Variants in ATG4B observed in about 807,000 individuals in gnomAD.
ATG4B encodes autophagy related 4B cysteine peptidase.
ATG4B carries 29 observed loss-of-function variants against 56.6 expected under a neutral mutation model. The ratio of observed to expected loss-of-function variants is 0.51; its 90% CI spans 0.38 to 0.70. ATG4B has a LOEUF of 0.70. ATG4B is among the 30% of genes least tolerant of loss of function. ATG4B has a pLI of 0.00. For synonymous variants in ATG4B, 224 were observed against 206.1 expected (o/e 1.09, Z -0.74); for missense variants, 461 against 515.5 (o/e 0.89, Z 1.02).
At position 241,673,274 on chromosome 2, in the gene ATG4B, CCAG is replaced by C. The variant is rs2069042009; in HGVS notation, c.*1013_*1015del. The stretch of plus-strand genomic sequence containing the variant: ...CATTTCCAGAACCTCAGCCCCGATT[CCAG>C]CACCCACCACCGCCTGACCCTGTGT... On this transcript the variant is annotated 3_prime_UTR_variant, in exon 13 of 13. Coordinates refer to ENST00000404914, the MANE Select transcript of ATG4B (RefSeq NM_013325.5). The C allele has an allele frequency of 2.6e-4, 87 of 333,630 alleles. No homozygotes were observed. The highest frequency in any genetic ancestry group is 2.0e-3 in the South Asian group (86 of 42,446). 20.7% of individuals were successfully genotyped at this position (333,630 alleles called of 1,614,324 possible). A position where few individuals can be genotyped will look rare whatever the true frequency, so the allele number is the denominator to read the frequency against.
chr2:241,643,396 A>G (rs1408688511), intron 1 of ATG4B, among the ~76,000 whole-genome samples: 3 of 137,774 alleles, frequency 2.2e-5, no homozygotes, highest in South Asian at 2.3e-4. Context: ...TAAGAGAGAC[A>G]GGGTCTCCCT....
chr2:241,670,418 A>T, intron 10 of ATG4B: 1 of 438,108 alleles, frequency 2.3e-6, no homozygotes, highest in Non-Finnish European at 4.2e-6. Flanking sequence ...GCCCTAACTC[A>T]TAACCTGCCC....
chr2:241,651,181 C>T lies in ATG4B; in HGVS notation c.112+70C>T. ...GCAGAAGCATTTTGTGATCACTGTT[C>T]TCTGCTAACTCTGCCATAACTTGTG... On this transcript the variant is annotated intron_variant, in intron 2 of 12. Coordinates refer to ENST00000404914, the MANE Select transcript of ATG4B (RefSeq NM_013325.5). The surrounding 1 kb of genome is among the most constrained non-coding windows in gnomAD (Gnocchi z 4.1). 2 of 1,550,864 alleles carry T rather than the reference C, an allele frequency of 1.3e-6. No individual in the cohort carries two copies. Among genetic ancestry groups the T allele is most frequent in the Non-Finnish European group, 1.8e-6 (2 of 1,137,810 alleles).
At chr2:241,654,067 ATTTGT>A (rs1448195882) in intron 4 of ATG4B, among the ~76,000 whole-genome samples, 2 of 151,804 alleles carry the variant, frequency 1.3e-5, no homozygotes, top group Admixed American at 6.6e-5. Context: ...TTCTGTACAG[ATTTGT>A]TTTGATAACT....
At chr2:241,642,228 G>A (rs1575054658) in intron 1 of ATG4B, among the ~76,000 whole-genome samples, 1 of 151,186 alleles carries the variant, frequency 6.6e-6, no homozygotes, top group African/African-American at 2.4e-5. Context: ...TGCGGTGGGC[G>A]CGATCTAGGG....
At chr2:241,641,521 G>C (rs2067889463) in intron 1 of ATG4B, among the ~76,000 whole-genome samples, 1 of 150,422 alleles carries the variant, frequency 6.6e-6, no homozygotes, top group Non-Finnish European at 1.5e-5. Flanking sequence ...CTGCACTCCA[G>C]CCTGGGCGAC....
Position 241,666,724 on chromosome 2 carries a change from C to T in ATG4B, c.618C>T (p.Phe206=), listed in dbSNP as rs1050484265. The T allele has an allele frequency of 9.9e-6, 16 of 1,612,040 alleles. No individual in the cohort carries two copies. The highest frequency in any genetic ancestry group is 5.0e-5 in the Admixed American group (3 of 59,754). ...ATTCCGACCGGCACTGCAACGGATT[C>T]CCTGCCGGAGCTGAGGTCACCAACA... ...PADSDRHCNG[F]PAGAEVTNRP... is the part of the protein sequence containing the mutation. Residue 206 remains phenylalanine (F), a synonymous_variant, in exon 8 of 13, where the codon TTC becomes TTT. Coordinates refer to ENST00000404914, the MANE Select transcript of ATG4B (RefSeq NM_013325.5).
At chr2:241,671,565 C>T (rs760738696) in intron 12 of ATG4B, 160 bp downstream of exon 12, 108 of 1,527,690 alleles carry the variant, frequency 7.1e-5, no homozygotes, top group Non-Finnish European at 8.3e-5. Flanking sequence ...TGGAGTGGAG[C>T]GTCCCCTCCT....
chr2:241,666,546 C>T lies in ATG4B; in HGVS notation c.539-99C>T, dbSNP rs935356881. The T allele has an allele frequency of 3.9e-6, 5 of 1,267,724 alleles. No individual in the cohort carries two copies. The Admixed American group carries it at 5.9e-5, about 15-fold the overall frequency. The allele number at this position is 1,267,724 out of a possible 1,614,324, so 78.5% of individuals were successfully genotyped here. A position where few individuals can be genotyped will look rare whatever the true frequency, so the allele number is the denominator to read the frequency against. On this transcript the variant is annotated intron_variant, in intron 7 of 12. Coordinates refer to ENST00000404914, the MANE Select transcript of ATG4B (RefSeq NM_013325.5). ...TTCACTGTAAGCACCTGGCTTTGTA[C>T]CGCCCTTTTTCTGTTACACAGTCAT...
At chr2:241,649,766 T>G (rs1467530474) in intron 1 of ATG4B, among the ~76,000 whole-genome samples, 1 of 151,774 alleles carries the variant, frequency 6.6e-6, no homozygotes, top group African/African-American at 2.4e-5. Flanking sequence ...TTCTTTTTTT[T>G]CTTTTTCTTT....
chr2:241,656,596 A>T (rs1355333113), intron 6 of ATG4B, among the ~76,000 whole-genome samples: 1 of 152,116 alleles, frequency 6.6e-6, no homozygotes, highest in East Asian at 1.9e-4. Flanking sequence ...CTGTTGCTGG[A>T]TGATCCTCCC....
In ATG4B at chr2:241,671,318, C is replaced by G. The variant is rs1157858934; in HGVS notation, c.1021C>G (p.Leu341Val). The G allele has an allele frequency of 6.2e-7, 1 of 1,612,770 alleles. No homozygotes were observed. Among genetic ancestry groups the G allele is most frequent in the East Asian group, 2.2e-5 (1 of 44,856 alleles). ...DWCQQVKKLS[L>V]LGGALPMFEL... ...GGCCATGTCTCACTAACAGCTGTCT[C>G]TGCTTGGAGGTGCCCTGCCCATGTT... Residue 341 changes from leucine to valine, a missense_variant, in exon 12 of 13, where the codon CTG becomes GTG. Transcript: ENST00000404914.
intron 1 of ATG4B, among the ~76,000 whole-genome samples, chr2:241,638,033 G>A (rs560193411): frequency 1.3e-5 from 2 of 151,826 alleles, no homozygotes; most frequent in Admixed American, 1.3e-4. Context: ...CAGGTCGGCC[G>A]TGGAGGGCGG....
rs910239574 is a variant in ATG4B at position 241,654,610 on chromosome 2, C to T, written c.348C>T (p.Ile116=). The change falls in exon 5 of 13, where the codon ATC becomes ATT. Residue 116 remains isoleucine, a synonymous_variant. Coordinates refer to ENST00000404914, the MANE Select transcript of ATG4B (RefSeq NM_013325.5). ...ACTTCAGCGTCCTCAACGCATTCAT[C>T]GACAGGAAGGACAGTTACTACTCCA... The part of the protein sequence containing the change: ...DSYFSVLNAF[I]DRKDSYYSIH... 30 of 1,602,854 alleles carry T rather than the reference C, an allele frequency of 1.9e-5. No individual in the cohort carries two copies. The Admixed American group carries it at 1.9e-4, about 10-fold the overall frequency.
intron 12 of ATG4B, 36 bp from the exon 13 acceptor site, chr2:241,672,155 C>G: frequency 6.4e-7 from 1 of 1,555,932 alleles, no homozygotes; most frequent in Non-Finnish European, 8.7e-7. Context: ...GTGGCCCACC[C>G]AAGATGCCTG....
intron 1 of ATG4B, 139 bp downstream of exon 1, chr2:241,637,863 CG>C (rs1199782748): frequency 5.1e-6 from 2 of 391,312 alleles, no homozygotes; most frequent in African/African-American, 4.8e-5. Context: ...GCGGGCGCTG[CG>C]GGAGCGCGGG....
intron 12 of ATG4B, chr2:241,671,775 C>A: frequency 7.8e-7 from 1 of 1,283,678 alleles, no homozygotes; most frequent in Non-Finnish European, 1.0e-6. Context: ...GCGTAGACCC[C>A]TCGGACCATG....
At chr2:241,645,108 G>A (rs1211313035) in intron 1 of ATG4B, among the ~76,000 whole-genome samples, 1 of 152,188 alleles carries the variant, frequency 6.6e-6, no homozygotes, top group Non-Finnish European at 1.5e-5. Context: ...AGCTGCGAGG[G>A]TGTCCAGGAG....
chr2:241,655,448 T>G (rs1575072331), intron 6 of ATG4B, 105 bp downstream of exon 6: 2 of 1,156,360 alleles, frequency 1.7e-6, no homozygotes. Context: ...GGGTCTCTAA[T>G]TATTTACTTC....
Sources: allele counts gnomAD v4.1 joint callset (sites outside exome capture counted in the v4.1 genomes callset), GRCh38; gene constraint gnomAD v4.1.1; non-coding constraint Gnocchi (gnomAD v3.1); transcripts MANE v1.5; gene names NCBI Gene and HGNC (gene_info 2026-07-23, HGNC 2026-07-21).